Variants in CAMLG observed in about 807,000 individuals in gnomAD.
CAMLG encodes the protein guided entry of tail-anchored proteins factor CAMLG.
In CAMLG, 23 loss-of-function variants were observed where a neutral mutation model predicts 28.9. That is an observed-to-expected ratio of 0.80 (90% CI 0.57 to 1.13). The LOEUF is 1.13. Ranked by LOEUF, CAMLG falls within the 50% of genes most tolerant of loss-of-function variation. The pLI, the probability that CAMLG is intolerant of heterozygous loss-of-function variation, is 0.00. For missense variants in CAMLG, 367 were observed against 371.9 expected (o/e 0.99, Z 0.11); for synonymous variants, 141 against 146.5 (o/e 0.96, Z 0.27).
intron 3 of CAMLG, among the ~76,000 whole-genome samples, chr5:134,745,523 G>C (rs1425218730): frequency 6.6e-6 from 1 of 151,992 alleles, no homozygotes; most frequent in Non-Finnish European, 1.5e-5. Context: ...AGGCTGAGGG[G>C]GGTGGATCAC....
chr5:134,738,626 G>A lies in CAMLG; in HGVS notation c.6G>A (p.Glu2=), dbSNP rs987114990. The change falls in exon 1 of 4, where the codon GAG becomes GAA. Residue 2 remains glutamate (E), a synonymous_variant. Transcript: ENST00000297156. The part of the protein sequence containing the change: M[E]SMAVATDGGE... Reference sequence around the variant, plus strand: ...CCCAGACTGTGGACGGGAGGATGGAGTCGATGGCCGTCGCTACCGACGGCG... The same window carrying A: ...CCCAGACTGTGGACGGGAGGATGGAATCGATGGCCGTCGCTACCGACGGCG... 9 of 1,610,476 alleles carry A rather than the reference G, an allele frequency of 5.6e-6. No individual in the cohort carries two copies. The Admixed American group carries it at 1.3e-4, about 24-fold the overall frequency.
chr5:134,749,093 A>C (rs932537527), intron 3 of CAMLG, among the ~76,000 whole-genome samples: 2 of 145,594 alleles, frequency 1.4e-5, no homozygotes, highest in Non-Finnish European at 3.0e-5. Context: ...TTTCAGATGG[A>C]GCTTTGCTCT....
intron 3 of CAMLG, among the ~76,000 whole-genome samples, chr5:134,744,884 A>G (rs1753027313): frequency 6.6e-6 from 1 of 152,150 alleles, no homozygotes; most frequent in Non-Finnish European, 1.5e-5. Flanking sequence ...GGCCTACTTG[A>G]CTACAGATAT....
chr5:134,743,562 T>G (rs1326044416), intron 2 of CAMLG, among the ~76,000 whole-genome samples: 3 of 150,520 alleles, frequency 2.0e-5, no homozygotes, highest in Non-Finnish European at 4.4e-5. Context: ...AGAGCGAGAC[T>G]CCATCTTAAA....
chr5:134,738,585 C>A lies in CAMLG; in HGVS notation c.-36C>A. ...CCCTCGCAGCGGCGGCCAACATCAC[C>A]GCCACTGCCACCCCTCCCAGACTGT... is the stretch of plus-strand genomic sequence containing the variant. On this transcript the variant is annotated 5_prime_UTR_variant, in exon 1 of 4. Transcript: ENST00000297156. The A allele has an allele frequency of 6.5e-7, 1 of 1,542,374 alleles. No individual in the cohort carries two copies. Among genetic ancestry groups the A allele is most frequent in the Non-Finnish European group, 8.7e-7 (1 of 1,144,836 alleles).
At chr5:134,744,679 ATTAGTAAATTTAG>A (rs1425273133) in intron 3 of CAMLG, among the ~76,000 whole-genome samples, 2 of 152,202 alleles carry the variant, frequency 1.3e-5, no homozygotes, top group Non-Finnish European at 2.9e-5. Context: ...ATTAAATTTA[ATTAGTAAATTTAG>A]TAATTCATTT....
At position 134,738,702 on chromosome 5, in the gene CAMLG, C is replaced by T. The variant is rs143920630; in HGVS notation, c.82C>T (p.Arg28Trp). 4.3e-6 allele frequency: 7 copies of T among 1,613,792 alleles called. No individual in the cohort carries two copies. The highest frequency in any genetic ancestry group is 4.0e-5 in the African/African-American group (3 of 74,928). ...AGSGLSASQR[R>W]AELRRRKLLM... Reference sequence around the variant, plus strand: ...CTCAGGTCTGTCGGCTTCCCAGCGTCGGGCGGAGCTGCGTCGGAGAAAGCT... The same window carrying T: ...CTCAGGTCTGTCGGCTTCCCAGCGTTGGGCGGAGCTGCGTCGGAGAAAGCT... The change falls in exon 1 of 4, where the codon CGG becomes TGG. Residue 28 changes from arginine (R) to tryptophan (W), a missense_variant. Transcript: ENST00000297156.
rs769564299 is a variant in CAMLG at position 134,741,276 on chromosome 5, T to C, written c.386T>C (p.Leu129Pro). The C allele has an allele frequency of 6.2e-7, 1 of 1,614,050 alleles. No individual in the cohort carries two copies. The highest frequency in any genetic ancestry group is 8.5e-7 in the Non-Finnish European group (1 of 1,180,040). Reference sequence around the variant, plus strand: ...CCTGAGTGCAGTAGTGATGTCAACCTTGAGCTCCGGCAGCGGAACAGAGGG... The same window carrying C: ...CCTGAGTGCAGTAGTGATGTCAACCCTGAGCTCCGGCAGCGGAACAGAGGG... ...KPPECSSDVNLELRQRNRGDL... is the reference protein window; with the variant it reads ...KPPECSSDVNPELRQRNRGDL... Residue 129 changes from leucine (L) to proline (P), a missense_variant, in exon 2 of 4, where the codon CTT becomes CCT. Physicochemically the swap from Leu to Pro is moderately conservative, Grantham distance 98 (BLOSUM62 -3). Transcript: ENST00000297156.
At chr5:134,739,268 T>C (rs754207524) in intron 1 of CAMLG, among the ~76,000 whole-genome samples, 1 of 152,186 alleles carries the variant, frequency 6.6e-6, no homozygotes, top group Non-Finnish European at 1.5e-5. Flanking sequence ...AGCCTGTCTT[T>C]ACTGAACTGC....
rs1020843622 is a variant in CAMLG at position 134,750,298 on chromosome 5, G to A, written c.700-461G>A. ...CTCACACCTGTAATCCTGACACTTTGGGAGGCTGAGGCGGGCAGATCACGA... is the reference window on the plus strand; with the variant it reads ...CTCACACCTGTAATCCTGACACTTTAGGAGGCTGAGGCGGGCAGATCACGA... On this transcript the variant is annotated intron_variant, in intron 3 of 3. Coordinates refer to ENST00000297156, the MANE Select transcript of CAMLG (RefSeq NM_001745.4). Among the ~76,000 whole-genome samples, 4 of 152,224 alleles carry A rather than the reference G, an allele frequency of 2.6e-5. No individual in the cohort carries two copies. In the South Asian group the frequency reaches 8.3e-4, roughly 32 times the overall value.
chr5:134,742,230 AC>A (rs1188094605), intron 2 of CAMLG, among the ~76,000 whole-genome samples: 1 of 152,100 alleles, frequency 6.6e-6, no homozygotes, highest in East Asian at 1.9e-4. Context: ...TTTTCATTCT[AC>A]GGACCTTTCT....
intron 3 of CAMLG, among the ~76,000 whole-genome samples, chr5:134,749,577 G>A (rs961525739): frequency 1.3e-5 from 2 of 152,010 alleles, no homozygotes; most frequent in Non-Finnish European, 2.9e-5. Context: ...TAACAATTAG[G>A]GCCCTACATT....
chr5:134,741,367 C>G lies in CAMLG; in HGVS notation c.477C>G (p.Phe159Leu), dbSNP rs756063078. ...RHGLEQYLSR[F>L]EEAMKLRKQL... is the part of the protein sequence containing the mutation. Reference sequence around the variant, plus strand: ...GCCTAGAGCAGTACCTTTCCAGATTCGAAGAAGCAATGAAGCTAAGGAAAC... The same window carrying G: ...GCCTAGAGCAGTACCTTTCCAGATTGGAAGAAGCAATGAAGCTAAGGAAAC... Residue 159 changes from phenylalanine to leucine, a missense_variant, in exon 2 of 4, where the codon TTC becomes TTG. Coordinates refer to ENST00000297156, the MANE Select transcript of CAMLG (RefSeq NM_001745.4). The G allele has an allele frequency of 1.1e-5, 17 of 1,614,090 alleles. No individual in the cohort carries two copies. The highest frequency in any genetic ancestry group is 1.3e-5 in the Non-Finnish European group (15 of 1,180,022).
intron 1 of CAMLG, among the ~76,000 whole-genome samples, chr5:134,739,906 C>T (rs1360615684): frequency 6.6e-6 from 1 of 152,076 alleles, no homozygotes; most frequent in Admixed American, 6.6e-5. Context: ...GACAGGGTCT[C>T]CCTCTGTAGG....
chr5:134,740,414 A>G (rs576827566), intron 1 of CAMLG, among the ~76,000 whole-genome samples: 2 of 152,294 alleles, frequency 1.3e-5, no homozygotes, highest in South Asian at 2.1e-4. Flanking sequence ...AGGCAATGCA[A>G]TCATACATCT....
intron 3 of CAMLG, among the ~76,000 whole-genome samples, chr5:134,750,297 T>C (rs551930653): frequency 2.4e-4 from 37 of 152,198 alleles, no homozygotes; most frequent in African/African-American, 8.7e-4. Context: ...CCTGACACTT[T>C]GGGAGGCTGA....
chr5:134,751,205 G>A lies in CAMLG; in HGVS notation c.*255G>A. ...TCTTGTTAATCAGAATTCCTATTCT[G>A]TACCTTTCCTCTAACTTCTCAGATT... On this transcript the variant is annotated 3_prime_UTR_variant, in exon 4 of 4. Transcript: ENST00000297156. 1 of 315,804 alleles carries A rather than the reference G, an allele frequency of 3.2e-6. No individual in the cohort carries two copies. Among genetic ancestry groups the A allele is most frequent in the South Asian group, 7.3e-5 (1 of 13,766 alleles). 19.6% of individuals were successfully genotyped at this position (315,804 alleles called of 1,614,324 possible).
At chr5:134,738,852 C>G in intron 1 of CAMLG, 60 bp downstream of exon 1, 1 of 1,519,234 alleles carries the variant, frequency 6.6e-7, no homozygotes, top group Non-Finnish European at 9.1e-7. Context: ...CAGGGTCATT[C>G]TTCCCTCTCC....
At chr5:134,750,622 C>CT (rs1753102425) in intron 3 of CAMLG, 137 bp from the exon 4 acceptor site, 1 of 587,410 alleles carries the variant, frequency 1.7e-6, no homozygotes. Context: ...ATGTTGGTAT[C>CT]TTACTGATTG....
Sources: gnomAD v4.1 joint callset for allele counts (sites outside exome capture counted in the v4.1 genomes callset) on GRCh38, gnomAD v4.1.1 for gene constraint, MANE v1.5 for transcripts, NCBI Gene and HGNC (gene_info 2026-07-23, HGNC 2026-07-21) for gene names.